Variants in PEAK1 observed in about 807,000 individuals in gnomAD.
PEAK1 encodes pseudopodium enriched atypical kinase 1.
PEAK1 carries 54 observed loss-of-function variants against 124.7 expected under a neutral mutation model. The ratio of observed to expected loss-of-function variants is 0.43; its 90% CI spans 0.35 to 0.54. PEAK1 has a LOEUF of 0.54. PEAK1 is among the 20% of genes least tolerant of loss of function. The pLI, the probability that PEAK1 is intolerant of heterozygous loss-of-function variation, is 0.01. For synonymous variants in PEAK1, 719 were observed against 760.0 expected (o/e 0.95, Z 0.89); for missense variants, 2,046 against 2,134.5 (o/e 0.96, Z 0.82).
intron 6 of PEAK1, among the ~76,000 whole-genome samples, chr15:77,182,401 A>G (rs916374055): frequency 6.6e-6 from 1 of 151,592 alleles, no homozygotes; most frequent in African/African-American, 2.4e-5. Context: ...TCTTCCACCT[A>G]CCCTTGAATG....
intron 2 of PEAK1, chr15:77,346,628 C>T (rs993740653): frequency 3.5e-5 from 34 of 984,506 alleles, no homozygotes; most frequent in African/African-American, 1.6e-4. Context: ...GACAAAACAG[C>T]GAAGAAACAG....
intron 2 of PEAK1, among the ~76,000 whole-genome samples, chr15:77,357,725 T>C (rs1231542105): frequency 7.9e-5 from 12 of 152,250 alleles, no homozygotes; most frequent in Non-Finnish European, 1.8e-4. Flanking sequence ...ACAGAGGATC[T>C]AAGGTGAAAG....
intron 2 of PEAK1, chr15:77,334,242 G>A (rs2066061663): frequency 1.0e-6 from 1 of 984,456 alleles, no homozygotes; most frequent in Non-Finnish European, 1.2e-6. Flanking sequence ...AGTTCAAATA[G>A]GCTTTCAGGT....
chr15:77,294,513 T>C (rs773548556), intron 2 of PEAK1, among the ~76,000 whole-genome samples: 42 of 152,322 alleles, frequency 2.8e-4, no homozygotes, highest in Non-Finnish European at 5.3e-4. Flanking sequence ...TCCTGAACCT[T>C]GGTTTACCTA....
At chr15:77,230,996 G>GT (rs1394488997) in intron 6 of PEAK1, among the ~76,000 whole-genome samples, 1 of 152,016 alleles carries the variant, frequency 6.6e-6, no homozygotes, top group Admixed American at 6.6e-5. Flanking sequence ...ACTTTATTGT[G>GT]TTTAGTTTGT....
In PEAK1 at chr15:77,335,491, T is replaced by C. The variant is rs946543802; in HGVS notation, c.-603+29672A>G. 5.1e-6 allele frequency: 5 copies of C among 985,200 alleles called. No individual in the cohort carries two copies. In the South Asian group the frequency reaches 1.9e-4, roughly 37 times the overall value. The allele number at this position is 985,200 out of a possible 1,614,324, so 61.0% of individuals were successfully genotyped here. ...TACATCACGTTGATGCTTACTACTT[T>C]GTTTCAAGAGACAGGGTCTGGCTTG... On this transcript the variant is annotated intron_variant, in intron 2 of 9. Coordinates refer to ENST00000682557, the MANE Select transcript of PEAK1 (RefSeq NM_001385026.1).
At chr15:77,346,259 T>C (rs1256977427) in intron 2 of PEAK1, 1 of 929,128 alleles carries the variant, frequency 1.1e-6, no homozygotes, top group African/African-American at 1.8e-5. Flanking sequence ...TGAAAATAAA[T>C]GTTGCTGTCT....
chr15:77,394,920 G>A (rs186295292), intron 1 of PEAK1, among the ~76,000 whole-genome samples: 1 of 152,244 alleles, frequency 6.6e-6, no homozygotes, highest in East Asian at 1.9e-4. Context: ...TCCATGATGT[G>A]ACTATTACTC....
At chr15:77,273,377 A>G (rs2062138544) in intron 5 of PEAK1, among the ~76,000 whole-genome samples, 1 of 152,160 alleles carries the variant, frequency 6.6e-6, no homozygotes, top group South Asian at 2.1e-4. Context: ...CTAAAGACTC[A>G]TCCAAAAAGC....
At chr15:77,296,008 A>G (rs1367010857) in intron 2 of PEAK1, among the ~76,000 whole-genome samples, 1 of 152,228 alleles carries the variant, frequency 6.6e-6, no homozygotes, top group African/African-American at 2.4e-5. Flanking sequence ...TTTTAATATA[A>G]AGAGCTATTT....
rs141482160 is a variant in PEAK1 at position 77,127,830 on chromosome 15, A to G, written c.4077+5175T>C. Among the ~76,000 whole-genome samples, 220 of 152,316 alleles carry G rather than the reference A, an allele frequency of 1.4e-3. 6 individuals are homozygous for G. The East Asian group carries it at 0.029, about 20-fold the overall frequency. On this transcript the variant is annotated intron_variant, in intron 9 of 9. Transcript: ENST00000682557. ...CGTTGTGGCTCATGCCTGTAATCCC[A>G]GTACTTTGGGAGGCTGAGGCGGGTG...
In PEAK1 at chr15:77,178,858, T is replaced by C. The variant is rs777815670; in HGVS notation, c.3069A>G (p.Ala1023=). The change falls in exon 7 of 10, where the codon GCA becomes GCG. Residue 1023 remains alanine (A), a synonymous_variant. Transcript: ENST00000682557. ...AVMEKGRAEN[A]LLQDSEKKRS... is the part of the protein sequence containing the mutation. ...TCTTCTTCTCTGAGTCCTGTAGTAATGCATTCTCTGCTCTACCCTTCTCCA... is the reference window on the plus strand; with the variant it reads ...TCTTCTTCTCTGAGTCCTGTAGTAACGCATTCTCTGCTCTACCCTTCTCCA... The C allele has an allele frequency of 6.2e-7, 1 of 1,614,144 alleles. No individual in the cohort carries two copies. Among genetic ancestry groups the C allele is most frequent in the Admixed American group, 1.7e-5 (1 of 60,018 alleles).
intron 1 of PEAK1, chr15:77,419,623 G>C: frequency 1.0e-6 from 1 of 985,114 alleles, no homozygotes; most frequent in East Asian, 1.1e-4. Context: ...CCCGCGTCCA[G>C]CTCCTCCAGG....
chr15:77,313,705 T>TGTAG (rs1491525598), intron 2 of PEAK1, among the ~76,000 whole-genome samples: 1 of 116,020 alleles, frequency 8.6e-6, no homozygotes, highest in Admixed American at 8.9e-5. Context: ...TATATATATA[T>TGTAG]GTATGTGTGT....
chr15:77,417,769 C>T (rs947230360), intron 1 of PEAK1: 2 of 985,206 alleles, frequency 2.0e-6, no homozygotes, highest in African/African-American at 3.5e-5. Flanking sequence ...GAAGCAAATG[C>T]TAATCTCATG....
intron 2 of PEAK1, chr15:77,333,545 ACAC>A (rs2066018396): frequency 1.1e-6 from 1 of 874,766 alleles, no homozygotes; most frequent in Non-Finnish European, 1.4e-6. Context: ...ATTTACACAC[ACAC>A]ATTTCCTTAT....
chr15:77,278,730 C>A, intron 5 of PEAK1: 1 of 496,554 alleles, frequency 2.0e-6, no homozygotes, highest in Non-Finnish European at 4.0e-6. Context: ...GCTGGAGATG[C>A]CAAGTGAAGC....
intron 6 of PEAK1, among the ~76,000 whole-genome samples, chr15:77,211,563 T>C (rs1362132534): frequency 6.6e-6 from 1 of 152,082 alleles, no homozygotes; most frequent in Non-Finnish European, 1.5e-5. Context: ...TAAAAGTGAC[T>C]GTAGGCCAGG....
At chr15:77,137,274 G>T (rs764077352) in intron 8 of PEAK1, among the ~76,000 whole-genome samples, 46 of 152,366 alleles carry the variant, frequency 3.0e-4, no homozygotes, top group South Asian at 2.1e-4. Context: ...AGTCCCTACT[G>T]AGGCACTGCC....
Sources: allele counts gnomAD v4.1 joint callset (sites outside exome capture counted in the v4.1 genomes callset), GRCh38; gene constraint gnomAD v4.1.1; transcripts MANE v1.5; gene names NCBI Gene and HGNC (gene_info 2026-07-23, HGNC 2026-07-21).